Variants in EPB41L2 observed in about 807,000 individuals in gnomAD.
EPB41L2 encodes band 4.1-like protein 2.
Under a neutral mutation model 113.0 loss-of-function variants are expected in EPB41L2, and 43 were observed. The ratio of observed to expected loss-of-function variants is 0.38; its 90% CI spans 0.30 to 0.49. EPB41L2 has a LOEUF of 0.49. EPB41L2 is among the 20% of genes least tolerant of loss of function. The probability of loss-of-function intolerance (pLI) is 0.95; values close to 1 mark genes in which losing one functional copy is unlikely to be tolerated. For synonymous variants in EPB41L2, 442 were observed against 436.7 expected (o/e 1.01, Z -0.15); for missense variants, 1,147 against 1,223.4 (o/e 0.94, Z 0.93).
chr6:131,033,933 C>G (rs552877398), intron 1 of EPB41L2, among the ~76,000 whole-genome samples: 1 of 152,090 alleles, frequency 6.6e-6, no homozygotes, highest in Non-Finnish European at 1.5e-5. Flanking sequence ...GTTAAAATGG[C>G]AAATTTTTTA....
chr6:130,935,283 A>AGTC, intron 3 of EPB41L2, among the ~76,000 whole-genome samples: 1 of 152,220 alleles, frequency 6.6e-6, no homozygotes, highest in Non-Finnish European at 1.5e-5. Context: ...ACCTTTAATA[A>AGTC]AATCACATAG....
At chr6:131,056,904 G>A (rs1797705557) in intron 1 of EPB41L2, among the ~76,000 whole-genome samples, 1 of 152,112 alleles carries the variant, frequency 6.6e-6, no homozygotes, top group South Asian at 2.1e-4. Context: ...CATTCATTAA[G>A]TTCACAGGTA....
At chr6:130,893,986 A>G (rs955379579) in intron 10 of EPB41L2, among the ~76,000 whole-genome samples, 8 of 152,132 alleles carry the variant, frequency 5.3e-5, no homozygotes, top group African/African-American at 1.9e-4. Flanking sequence ...GGAGCTCTAG[A>G]CAGCTGCAGG....
intron 14 of EPB41L2, among the ~76,000 whole-genome samples, chr6:130,874,670 G>A (rs1051733053): frequency 2.0e-5 from 3 of 152,116 alleles, no homozygotes; most frequent in African/African-American, 7.2e-5. Context: ...TGCATGTATT[G>A]GAGAGGAAAA....
At chr6:130,897,253 G>A (rs1378486114) in intron 8 of EPB41L2, among the ~76,000 whole-genome samples, 1 of 151,298 alleles carries the variant, frequency 6.6e-6, no homozygotes, top group East Asian at 2.0e-4. Flanking sequence ...TTAAGGCAAT[G>A]AAAAATAAAG....
At chr6:130,959,315 G>A (rs1818561001) in intron 1 of EPB41L2, among the ~76,000 whole-genome samples, 1 of 152,150 alleles carries the variant, frequency 6.6e-6, no homozygotes, top group Non-Finnish European at 1.5e-5. Flanking sequence ...GTTTTGATTG[G>A]AGACTAGATA....
intron 8 of EPB41L2, among the ~76,000 whole-genome samples, chr6:130,897,073 A>G (rs1794886358): frequency 6.6e-6 from 1 of 152,118 alleles, no homozygotes; most frequent in South Asian, 2.1e-4. Context: ...AGACAGACCT[A>G]GAGAGATTAG....
chr6:130,978,991 A>G (rs1778774147), intron 1 of EPB41L2, among the ~76,000 whole-genome samples: 1 of 152,180 alleles, frequency 6.6e-6, no homozygotes, highest in Admixed American at 6.5e-5. Context: ...TGTAGAGAAC[A>G]CTGAGAACTT....
At chr6:131,043,659 C>A (rs1794870029) in intron 1 of EPB41L2, among the ~76,000 whole-genome samples, 1 of 152,096 alleles carries the variant, frequency 6.6e-6, no homozygotes, top group African/African-American at 2.4e-5. Flanking sequence ...AATGTATGTA[C>A]CTAACTTGGA....
chr6:130,939,351 T>C (rs1809985994), intron 3 of EPB41L2, among the ~76,000 whole-genome samples: 1 of 151,974 alleles, frequency 6.6e-6, no homozygotes, highest in Non-Finnish European at 1.5e-5. Flanking sequence ...CCTGTCGGGT[T>C]CAAGCAATTC....
intron 1 of EPB41L2, among the ~76,000 whole-genome samples, chr6:131,035,447 G>T (rs2128176061): frequency 6.6e-6 from 1 of 152,218 alleles, no homozygotes; most frequent in South Asian, 2.1e-4. Flanking sequence ...CTCCTCTTCT[G>T]CTTCCTTCCC....
At chr6:131,006,566 A>G (rs374530904) in intron 1 of EPB41L2, among the ~76,000 whole-genome samples, 123 of 151,288 alleles carry the variant, frequency 8.1e-4, no homozygotes, top group African/African-American at 2.8e-3. Context: ...GCTACTCAGG[A>G]GGCTAAGGCA....
intron 1 of EPB41L2, among the ~76,000 whole-genome samples, chr6:131,015,605 A>AT (rs2128730919): frequency 6.6e-6 from 1 of 152,320 alleles, no homozygotes; most frequent in African/African-American, 2.4e-5. Flanking sequence ...ACATTTTTAA[A>AT]TTCACCCTAT....
intron 1 of EPB41L2, among the ~76,000 whole-genome samples, chr6:131,011,853 C>T (rs1446950020): frequency 2.0e-5 from 3 of 152,112 alleles, no homozygotes; most frequent in African/African-American, 7.2e-5. Flanking sequence ...TAAATGGGTG[C>T]TAAGTTAGGA....
chr6:130,880,270 G>T, intron 12 of EPB41L2, 64 bp from the exon 13 acceptor site: 1 of 1,149,562 alleles, frequency 8.7e-7, no homozygotes, highest in Non-Finnish European at 1.3e-6. Context: ...CAATCAGCAA[G>T]CACCAAAATG....
At chr6:130,840,759 A>G (rs1373319763) in intron 19 of EPB41L2, among the ~76,000 whole-genome samples, 161 bp from the exon 20 acceptor site, 2 of 152,232 alleles carry the variant, frequency 1.3e-5, no homozygotes, top group Non-Finnish European at 2.9e-5. Context: ...GAAGACAAGC[A>G]TGAGACACTA....
chr6:131,040,300 G>A (rs34863373), intron 1 of EPB41L2, among the ~76,000 whole-genome samples: 26,170 of 151,992 alleles, frequency 0.17, 2,424 homozygotes, highest in African/African-American at 0.24. Flanking sequence ...TTAGTCAGGC[G>A]TGGAGGTGCG....
chr6:130,866,966 G>T (rs375292038), intron 16 of EPB41L2, among the ~76,000 whole-genome samples: 131 of 152,068 alleles, frequency 8.6e-4, no homozygotes, highest in African/African-American at 3.0e-3. Context: ...GTGTGTGCCT[G>T]TGTGTGTTTG....
At chr6:130,954,020 T>C (rs1276906224) in intron 3 of EPB41L2, among the ~76,000 whole-genome samples, 2 of 150,154 alleles carry the variant, frequency 1.3e-5, no homozygotes, top group Admixed American at 1.3e-4. Context: ...TTTAATCCTC[T>C]TTTGCTAGTC....
Sources: gnomAD v4.1 joint callset for allele counts (sites outside exome capture counted in the v4.1 genomes callset) on GRCh38, gnomAD v4.1.1 for gene constraint, MANE v1.5 for transcripts, NCBI Gene and HGNC (gene_info 2026-07-23, HGNC 2026-07-21) for gene names.